The following CLEC16A variants were observed in gnomAD, a reference collection of about 807,000 sequenced individuals.
CLEC16A encodes the protein protein CLEC16A.
Under a neutral mutation model 109.5 loss-of-function variants are expected in CLEC16A, and 51 were observed. The ratio of observed to expected loss-of-function variants is 0.47; its 90% CI spans 0.37 to 0.59. CLEC16A has a LOEUF of 0.59. Ranked by LOEUF, CLEC16A falls within the 20% of genes least tolerant of loss-of-function variation. The probability of loss-of-function intolerance (pLI) is 0.00; values close to 1 mark genes in which losing one functional copy is unlikely to be tolerated. For missense variants in CLEC16A, 1,339 were observed against 1,394.0 expected (o/e 0.96, Z 0.63); for synonymous variants, 673 against 564.2 (o/e 1.19, Z -2.73).
At chr16:10,953,668 C>G (rs1380146057) in intron 1 of CLEC16A, among the ~76,000 whole-genome samples, 1 of 152,136 alleles carries the variant, frequency 6.6e-6, no homozygotes, top group African/African-American at 2.4e-5. Flanking sequence ...AAGAAAAAGC[C>G]ACACAGCCTA....
chr16:11,170,479 C>G (rs2140981296), intron 23 of CLEC16A, among the ~76,000 whole-genome samples: 1 of 152,328 alleles, frequency 6.6e-6, no homozygotes, highest in South Asian at 2.1e-4. Flanking sequence ...TGAAAACTCT[C>G]CACATTTATC....
intron 13 of CLEC16A, among the ~76,000 whole-genome samples, chr16:11,031,376 G>A (rs1019186156): frequency 6.6e-6 from 1 of 152,226 alleles, no homozygotes; most frequent in African/African-American, 2.4e-5. Context: ...GCCCTGACCT[G>A]TACGGGGAGC....
At chr16:11,015,325 C>T (rs376351819) in intron 11 of CLEC16A, among the ~76,000 whole-genome samples, 4 of 143,228 alleles carry the variant, frequency 2.8e-5, no homozygotes, top group African/African-American at 1.1e-4. Context: ...AGATGTGACA[C>T]GGGGGTTGGG....
At chr16:11,041,117 G>A (rs1345546574) in intron 14 of CLEC16A, 1 of 152,206 alleles carries the variant, frequency 6.6e-6, no homozygotes, top group Non-Finnish European at 1.5e-5. Context: ...GCCAGATGCG[G>A]GTTTTGGCTT....
intron 11 of CLEC16A, among the ~76,000 whole-genome samples, chr16:11,011,521 A>G (rs2045411522): frequency 2.0e-5 from 3 of 152,188 alleles, no homozygotes; most frequent in South Asian, 4.2e-4. Context: ...ACTTTCTGGC[A>G]TAACATGGTG....
chr16:11,112,996 G>A (rs1457800239), intron 19 of CLEC16A, among the ~76,000 whole-genome samples: 1 of 152,222 alleles, frequency 6.6e-6, no homozygotes, highest in African/African-American at 2.4e-5. Flanking sequence ...TTAGTGCCTA[G>A]TACAGAGCCT....
Position 11,178,527 on chromosome 16 carries a change from A to G in CLEC16A, c.2999A>G (p.Asp1000Gly), listed in dbSNP as rs776095598. 4 of 1,613,330 alleles carry G rather than the reference A, an allele frequency of 2.5e-6. No homozygotes were observed. The highest frequency in any genetic ancestry group is 3.4e-6 in the Non-Finnish European group (4 of 1,179,868). The change falls in exon 24 of 24, where the codon GAC (aspartate) becomes GGC (glycine). Residue 1000 changes from aspartate (D) to glycine (G), a missense_variant. This residue lies in a region of CLEC16A where 1,061 missense variants were observed against 1,006.8 expected (regional missense o/e 1.05). Coordinates refer to ENST00000409790, the MANE Select transcript of CLEC16A (RefSeq NM_015226.3). This position sits in a 1 kb window ranked among gnomAD's most constrained non-coding sequence, Gnocchi z 6.5. ...TISLLCEDTA[D>G]TLSVESLTLV... ...TCCCTGCTCTGCGAGGACACGGCTG[A>G]CACGCTGAGCGTCGAATCGCTGACC...
At chr16:11,115,959 C>T (rs1252515576) in intron 19 of CLEC16A, among the ~76,000 whole-genome samples, 1 of 151,786 alleles carries the variant, frequency 6.6e-6, no homozygotes, top group African/African-American at 2.4e-5. Context: ...AATCCTCCCA[C>T]CTTGGCCTCC....
At chr16:11,150,843 C>T (rs758119737) in intron 22 of CLEC16A, among the ~76,000 whole-genome samples, 1 of 152,156 alleles carries the variant, frequency 6.6e-6, no homozygotes, top group East Asian at 1.9e-4. Context: ...CCCTCCTTGG[C>T]TTCTGGTGTT....
chr16:10,980,702 G>A (rs2043274548), intron 9 of CLEC16A, among the ~76,000 whole-genome samples: 1 of 152,046 alleles, frequency 6.6e-6, no homozygotes, highest in Non-Finnish European at 1.5e-5. Flanking sequence ...AACATAGCTT[G>A]TAATTCATTG....
Position 10,962,572 on chromosome 16 carries a change from T to G in CLEC16A, c.327T>G (p.Ser109Arg). 1 of 1,613,784 alleles carries G rather than the reference T, an allele frequency of 6.2e-7. No homozygotes were observed. ...TGAACATCCTCTTTGAGAACATCAG[T>G]CACGAGACCTCACTTTGTAAGGACA... ...QTLNILFENI[S>R]HETSLYYLLS... The change falls in exon 3 of 24, where the codon AGT becomes AGG. Residue 109 changes from serine (S) to arginine (R), a missense_variant. By Grantham distance (110) the Ser-to-Arg change is moderately radical. Transcript: ENST00000409790.
chr16:11,124,323 C>T (rs1300824455), intron 21 of CLEC16A, among the ~76,000 whole-genome samples: 1 of 152,210 alleles, frequency 6.6e-6, no homozygotes, highest in Admixed American at 6.5e-5. Context: ...GCCTGCTCTG[C>T]CCATTTTACG....
intron 10 of CLEC16A, among the ~76,000 whole-genome samples, chr16:10,988,027 C>T (rs1015820658): frequency 1.1e-4 from 16 of 152,160 alleles, no homozygotes; most frequent in African/African-American, 3.6e-4. Flanking sequence ...TTCATCTGTG[C>T]GTTAAAATCA....
At chr16:11,115,254 A>C (rs1212168474) in intron 19 of CLEC16A, among the ~76,000 whole-genome samples, 1 of 150,906 alleles carries the variant, frequency 6.6e-6, no homozygotes, top group Non-Finnish European at 1.5e-5. Flanking sequence ...GGAAAGGGAA[A>C]GGAGAGGAGG....
chr16:11,035,499 G>A (rs1000352026), intron 13 of CLEC16A, among the ~76,000 whole-genome samples: 22 of 151,622 alleles, frequency 1.5e-4, no homozygotes, highest in Admixed American at 6.6e-4. Flanking sequence ...CATGGTACAC[G>A]GCAGAGAGGA....
rs534056786 is a variant in CLEC16A at position 11,109,051 on chromosome 16, C to T, written c.2117-11564C>T. 3.5e-3 allele frequency among the ~76,000 whole-genome samples: 467 copies of T among 133,508 alleles called. 2 individuals are homozygous for T. The highest frequency in any genetic ancestry group is 5.8e-3 in the Non-Finnish European group (383 of 65,688). The allele number at this position is 133,508 out of a possible 152,430, so 87.6% of individuals were successfully genotyped here. A position where few individuals can be genotyped will look rare whatever the true frequency, so the allele number is the denominator to read the frequency against. On this transcript the variant is annotated intron_variant, in intron 19 of 23. Coordinates refer to ENST00000409790, the MANE Select transcript of CLEC16A (RefSeq NM_015226.3). ...GCATGAACCCGGGAGGCGGAGCTTGCAGTGAGCTGAGATCGCGCCACTGCA... is the reference window on the plus strand; with the variant it reads ...GCATGAACCCGGGAGGCGGAGCTTGTAGTGAGCTGAGATCGCGCCACTGCA...
chr16:11,000,952 C>CT (rs920422434), intron 10 of CLEC16A, among the ~76,000 whole-genome samples: 1 of 152,138 alleles, frequency 6.6e-6, no homozygotes, highest in Non-Finnish European at 1.5e-5. Context: ...TATTTTGAAA[C>CT]TTTTTTTAAA....
intron 11 of CLEC16A, among the ~76,000 whole-genome samples, chr16:11,013,807 C>T (rs2045581049): frequency 2.0e-5 from 3 of 151,414 alleles, no homozygotes; most frequent in South Asian, 2.1e-4. Context: ...GGCATGGTGG[C>T]GTACACCTGT....
Position 11,114,201 on chromosome 16 carries a change from G to GC in CLEC16A, c.2117-6413dup, listed in dbSNP as rs780988261. ...TGTTTATTGGCAATCCCCATTCCTG[G>GC]CTGCCCCCTTCCCCTCATCTGTGAA... On this transcript the variant is annotated intron_variant, in intron 19 of 23. Coordinates refer to ENST00000409790, the MANE Select transcript of CLEC16A (RefSeq NM_015226.3). 4.1e-5 allele frequency among the ~76,000 whole-genome samples: 6 copies of GC among 144,634 alleles called. No individual in the cohort carries two copies. In the East Asian group the frequency reaches 1.3e-3, roughly 30 times the overall value. The allele number at this position is 144,634 out of a possible 152,430, so 94.9% of individuals were successfully genotyped here. A position where few individuals can be genotyped will look rare whatever the true frequency, so the allele number is the denominator to read the frequency against.
Sources: gnomAD v4.1 joint callset for allele counts (sites outside exome capture counted in the v4.1 genomes callset) on GRCh38, gnomAD v4.1.1 for gene constraint, gnomAD v4.1.1 regional missense constraint, Gnocchi (gnomAD v3.1) non-coding constraint, MANE v1.5 for transcripts, NCBI Gene and HGNC (gene_info 2026-07-23, HGNC 2026-07-21) for gene names.